Variants in SPAG7 observed in about 807,000 individuals in gnomAD.
SPAG7 encodes sperm-associated antigen 7.
A neutral mutation model predicts 30.6 loss-of-function variants in SPAG7; 20 were observed. The observed-to-expected ratio is 0.65, with a 90% CI of 0.46 to 0.95. The LOEUF (loss-of-function observed/expected upper bound fraction) is 0.95, where lower values mean the gene tolerates loss of function less well. SPAG7 is among the 40% of genes least tolerant of loss of function. The pLI, the probability that SPAG7 is intolerant of heterozygous loss-of-function variation, is 0.00. For synonymous variants in SPAG7, 127 were observed against 104.2 expected, an observed-to-expected ratio of 1.22 and a Z score of -1.33; for missense variants, 276 against 291.1, an observed-to-expected ratio of 0.95 and a Z score of 0.38.
chr17:4,966,616 C>T lies in SPAG7; in HGVS notation c.85+1104G>A, dbSNP rs532738355. ...TTTACGGAATTACCTGTTCTGATCT[C>T]GGCTCACTGCAGATTGGGGGAGAAC... On this transcript the variant is annotated intron_variant, in intron 1 of 6. Coordinates refer to ENST00000206020, the MANE Select transcript of SPAG7 (RefSeq NM_004890.3). The T allele has an allele frequency of 1.6e-5, 16 of 985,440 alleles. No homozygotes were observed. The African/African-American group carries it at 2.8e-4, about 17-fold the overall frequency. The allele number at this position is 985,440 out of a possible 1,614,324, so 61.0% of individuals were successfully genotyped here.
intron 1 of SPAG7, among the ~76,000 whole-genome samples, chr17:4,964,176 G>A (rs570028152): frequency 3.6e-4 from 54 of 151,952 alleles, no homozygotes; most frequent in Admixed American, 7.2e-4. Context: ...TCCTGCCTCT[G>A]CGCCAGATCC....
intron 1 of SPAG7, among the ~76,000 whole-genome samples, chr17:4,964,251 C>T (rs1971910468): frequency 1.3e-5 from 2 of 152,162 alleles, no homozygotes; most frequent in African/African-American, 4.8e-5. Context: ...CTGTCTTCCC[C>T]ACGATGTGAT....
chr17:4,966,625 G>A, intron 1 of SPAG7: 1 of 985,368 alleles, frequency 1.0e-6, no homozygotes, highest in Non-Finnish European at 1.2e-6. Flanking sequence ...TCGGCTCACT[G>A]CAGATTGGGG....
chr17:4,959,963 C>T, intron 5 of SPAG7, 47 bp from the exon 6 acceptor site: 1 of 1,613,164 alleles, frequency 6.2e-7, no homozygotes, highest in East Asian at 2.2e-5. Flanking sequence ...CCAGCCCAAA[C>T]CCCCACCCCT....
At chr17:4,965,615 A>T (rs1971936517) in intron 1 of SPAG7, among the ~76,000 whole-genome samples, 1 of 151,932 alleles carries the variant, frequency 6.6e-6, no homozygotes, top group African/African-American at 2.4e-5. Flanking sequence ...AGGGCCTGAC[A>T]GCTTATGAGC....
chr17:4,963,609 C>T (rs1971901045), intron 1 of SPAG7, among the ~76,000 whole-genome samples: 1 of 151,944 alleles, frequency 6.6e-6, no homozygotes, highest in African/African-American at 2.4e-5. Context: ...TAGGCATGTG[C>T]CACCACGCCC....
intron 1 of SPAG7, 65 bp downstream of exon 1, chr17:4,967,655 A>G: frequency 7.8e-7 from 1 of 1,281,140 alleles, no homozygotes; most frequent in Non-Finnish European, 1.1e-6. Flanking sequence ...GCATCGTCCA[A>G]AGAGGGAGAA....
At position 4,960,249 on chromosome 17, in the gene SPAG7, G is replaced by T. The variant is rs199894545; in HGVS notation, c.312C>A (p.Val104=). The part of the protein sequence containing the change: ...SFGEDDDCRY[V]MIFKKEFAPS... ...GGCCCTTTACCTTTTTGAAGATCATGACATAGCGACAGTCATCATCTTCCC... is the reference window on the plus strand; with the variant it reads ...GGCCCTTTACCTTTTTGAAGATCATTACATAGCGACAGTCATCATCTTCCC... The change falls in exon 4 of 7, where the codon GTC becomes GTA. Residue 104 remains valine, a synonymous_variant. Coordinates refer to ENST00000206020, the MANE Select transcript of SPAG7 (RefSeq NM_004890.3). The T allele has an allele frequency of 1.1e-4, 180 of 1,614,014 alleles. No homozygotes were observed. The highest frequency in any genetic ancestry group is 1.4e-4 in the Non-Finnish European group (171 of 1,179,992).
At chr17:4,961,468 AG>A (rs1258951601) in intron 1 of SPAG7, among the ~76,000 whole-genome samples, 1 of 149,638 alleles carries the variant, frequency 6.7e-6, no homozygotes, top group Non-Finnish European at 1.5e-5. Flanking sequence ...AAAAAAAAAA[AG>A]AGATGGCCGG....
intron 1 of SPAG7, among the ~76,000 whole-genome samples, chr17:4,961,480 G>T (rs1971862312): frequency 6.7e-6 from 1 of 150,370 alleles, no homozygotes; most frequent in African/African-American, 2.5e-5. Flanking sequence ...AGATGGCCGG[G>T]TGCAGTGGCT....
At chr17:4,963,451 ATTTTTTTTTTTTT>A (rs35484038) in intron 1 of SPAG7, among the ~76,000 whole-genome samples, 2 of 103,200 alleles carry the variant, frequency 1.9e-5, no homozygotes, top group Non-Finnish European at 3.6e-5. Flanking sequence ...GGAAAGGGGA[ATTTTTTTTTTTTT>A]TTTTTTTTTT....
chr17:4,961,488 G>A (rs1424214748), intron 1 of SPAG7, among the ~76,000 whole-genome samples: 5 of 150,524 alleles, frequency 3.3e-5, no homozygotes, highest in African/African-American at 1.2e-4. Context: ...GGGTGCAGTG[G>A]CTCACACCTG....
rs1325420198 is a variant in SPAG7, at chr17:4,967,007, G to GCGCCCTA, written c.85+706_85+712dup. 4.7e-5 allele frequency: 46 copies of GCGCCCTA among 985,688 alleles called. 2 individuals are homozygous for GCGCCCTA. In the Middle Eastern group the frequency reaches 1.6e-3, roughly 34 times the overall value. 61.1% of individuals were successfully genotyped at this position (985,688 alleles called of 1,614,324 possible). On this transcript the variant is annotated intron_variant, in intron 1 of 6. Transcript: ENST00000206020. Reference sequence around the variant, plus strand: ...GAGGCTCCCACCGCCCTGCAGGGCCGCGCCCTACGCCGGCCGCCGAACTCC... The same window carrying GCGCCCTA: ...GAGGCTCCCACCGCCCTGCAGGGCCGCGCCCTACGCCCTACGCCGGCCGCCGAACTCC...
intron 2 of SPAG7, 47 bp downstream of exon 2, chr17:4,960,739 T>C: frequency 6.4e-7 from 1 of 1,574,154 alleles, no homozygotes; most frequent in Non-Finnish European, 8.7e-7. Context: ...TTTAACTTAT[T>C]GGAAGTCCTT....
chr17:4,964,827 C>A (rs1159392767), intron 1 of SPAG7, among the ~76,000 whole-genome samples: 2 of 152,078 alleles, frequency 1.3e-5, no homozygotes, highest in Admixed American at 6.6e-5. Context: ...CCTCTGCCTC[C>A]CGGGTTCCAG....
chr17:4,960,037 C>T lies in SPAG7; in HGVS notation c.402G>A (p.Glu134=), dbSNP rs1167694525. The part of the protein sequence containing the change: ...GEEWDPQKAE[E]KRKLKELAQR... ...CATAGCTCACCTTCAGCTTCCGCTT[C>T]TCCTCAGCCTTCTGGGGGTCCCATT... Residue 134 remains glutamate (E), a synonymous_variant, in exon 5 of 7, where the codon GAG becomes GAA. Transcript: ENST00000206020. 2.5e-6 allele frequency: 4 copies of T among 1,614,004 alleles called. No individual in the cohort carries two copies. In the East Asian group the frequency reaches 6.7e-5, roughly 27 times the overall value.
rs182635218 is a variant in SPAG7 at position 4,960,842 on chromosome 17, G to A, written c.97C>T (p.Arg33Cys). Residue 33 changes from arginine (R) to cysteine (C), a missense_variant, in exon 2 of 7, where the codon CGC (arginine) becomes TGC (cysteine). Arg to Cys is a radical substitution (Grantham distance 180, BLOSUM62 -3). Transcript: ENST00000206020. ...TCTTGCTCTTGTAGTTTCTTCAGGC[G>A]GGCGGCCTGTTCTGGGGGTGAGAAA... ...TRRKAREQAA[R>C]LKKLQEQEKQ... 52 of 1,613,870 alleles carry A rather than the reference G, an allele frequency of 3.2e-5. No individual in the cohort carries two copies. The Admixed American group carries it at 3.3e-4, about 10-fold the overall frequency.
chr17:4,959,312 T>A lies in SPAG7; in HGVS notation c.*222A>T. ...AGAACGGGGAATAATACAGATTAAA[T>A]ACCCACCTGTGCATTCACACTCTCA... On this transcript the variant is annotated 3_prime_UTR_variant, in exon 7 of 7. Coordinates refer to ENST00000206020, the MANE Select transcript of SPAG7 (RefSeq NM_004890.3). The A allele has an allele frequency of 1.7e-6, 1 of 587,656 alleles. No homozygotes were observed. Among genetic ancestry groups the A allele is most frequent in the South Asian group, 2.1e-5 (1 of 47,268 alleles). 36.4% of individuals were successfully genotyped at this position (587,656 alleles called of 1,614,324 possible). A position where few individuals can be genotyped will look rare whatever the true frequency, so the allele number is the denominator to read the frequency against.
chr17:4,966,543 G>T lies in SPAG7; in HGVS notation c.85+1177C>A, dbSNP rs150621953. 2.6e-5 allele frequency: 25 copies of T among 970,608 alleles called. No individual in the cohort carries two copies. In the African/African-American group the frequency reaches 3.3e-4, roughly 13 times the overall value. The allele number at this position is 970,608 out of a possible 1,614,324, so 60.1% of individuals were successfully genotyped here. On this transcript the variant is annotated intron_variant, in intron 1 of 6. Transcript: ENST00000206020. ...CCATCATGCTTCCTCCTTTCTCAGA[G>T]ATTTCAAATAGACTCTTCTGCCTGT...
Sources: gnomAD v4.1 joint callset for allele counts (sites outside exome capture counted in the v4.1 genomes callset) on GRCh38, gnomAD v4.1.1 for gene constraint, MANE v1.5 for transcripts, NCBI Gene and HGNC (gene_info 2026-07-23, HGNC 2026-07-21) for gene names.